The following GRIK4 variants were observed in gnomAD, a reference collection of about 807,000 sequenced individuals.
The protein encoded by GRIK4 is glutamate receptor ionotropic, kainate 4.
A neutral mutation model predicts 104.9 loss-of-function variants in GRIK4; 40 were observed. The observed-to-expected ratio is 0.38, with a 90% CI of 0.30 to 0.50. The LOEUF (loss-of-function observed/expected upper bound fraction) is 0.50. Ranked by LOEUF, GRIK4 falls within the 20% of genes least tolerant of loss-of-function variation. GRIK4 has a pLI of 0.93. For synonymous variants in GRIK4, 485 were observed against 524.9 expected (o/e 0.92, Z 1.04); for missense variants, 1,047 against 1,308.1 (o/e 0.80, Z 3.08).
chr11:120,948,762 A>G (rs966089582), intron 14 of GRIK4, among the ~76,000 whole-genome samples: 1 of 152,200 alleles, frequency 6.6e-6, no homozygotes, highest in African/African-American at 2.4e-5. Flanking sequence ...TTTGTAACAC[A>G]CCATCTCCCC....
Position 120,609,124 on chromosome 11 carries a change from G to A in GRIK4, c.-158-44561G>A, listed in dbSNP as rs1473225076. 3.3e-5 allele frequency among the ~76,000 whole-genome samples: 5 copies of A among 152,112 alleles called. No individual in the cohort carries two copies. The South Asian group carries it at 1.0e-3, about 31-fold the overall frequency. On this transcript the variant is annotated intron_variant, in intron 1 of 20. Transcript: ENST00000527524. ...GCCTGGGGTGGAGGCCCAACCCTGC[G>A]TGCTCCCAGCGCCTCCCCTCCTGCT...
intron 3 of GRIK4, among the ~76,000 whole-genome samples, chr11:120,726,255 G>T (rs1009217322): frequency 6.6e-6 from 1 of 152,302 alleles, no homozygotes; most frequent in East Asian, 1.9e-4. Context: ...CATAGTGGAG[G>T]TTGGAATGTT....
chr11:120,767,587 G>GT (rs1951862281), intron 3 of GRIK4, among the ~76,000 whole-genome samples: 1 of 152,042 alleles, frequency 6.6e-6, no homozygotes, highest in South Asian at 2.1e-4. Context: ...TTTGTAGCCT[G>GT]AGCTTTTGGT....
At chr11:120,817,321 C>T (rs1186396336) in intron 5 of GRIK4, among the ~76,000 whole-genome samples, 1 of 152,202 alleles carries the variant, frequency 6.6e-6, no homozygotes, top group African/African-American at 2.4e-5. Context: ...ACTCCTCTGC[C>T]CCTGTGCCAG....
intron 1 of GRIK4, among the ~76,000 whole-genome samples, chr11:120,627,817 C>T (rs564938631): frequency 6.6e-6 from 1 of 152,330 alleles, no homozygotes; most frequent in East Asian, 1.9e-4. Context: ...TGCATCCTCC[C>T]CTTTTCCAGC....
chr11:120,593,492 C>T (rs897473274), intron 1 of GRIK4, among the ~76,000 whole-genome samples: 1 of 152,272 alleles, frequency 6.6e-6, no homozygotes, highest in South Asian at 2.1e-4. Context: ...ACACTCCATT[C>T]CTCCTGCTTC....
chr11:120,713,486 A>C (rs969929013), intron 3 of GRIK4, among the ~76,000 whole-genome samples: 1 of 152,234 alleles, frequency 6.6e-6, no homozygotes, highest in Admixed American at 6.5e-5. Context: ...AGTCATTGTC[A>C]TGTTGTAATT....
At chr11:120,951,598 T>C (rs1313289720) in intron 14 of GRIK4, among the ~76,000 whole-genome samples, 1 of 152,210 alleles carries the variant, frequency 6.6e-6, no homozygotes, top group Non-Finnish European at 1.5e-5. Flanking sequence ...ACTTCCTGGA[T>C]TTCTGGCATC....
intron 1 of GRIK4, among the ~76,000 whole-genome samples, chr11:120,584,514 CAG>C (rs1217065268): frequency 6.6e-6 from 1 of 152,054 alleles, no homozygotes; most frequent in Non-Finnish European, 1.5e-5. Flanking sequence ...GAGACAGAGA[CAG>C]AGAGAGAGGT....
intron 11 of GRIK4, among the ~76,000 whole-genome samples, chr11:120,880,890 C>G (rs1954951902): frequency 6.6e-6 from 1 of 152,200 alleles, no homozygotes; most frequent in Non-Finnish European, 1.5e-5. Context: ...TGAGCACCTT[C>G]TCTGTGTCAG....
chr11:120,971,681 T>C (rs1944478088), intron 19 of GRIK4, among the ~76,000 whole-genome samples: 1 of 152,166 alleles, frequency 6.6e-6, no homozygotes, highest in Non-Finnish European at 1.5e-5. Flanking sequence ...AGAGTTTTAA[T>C]AGCGGTATAA....
intron 1 of GRIK4, among the ~76,000 whole-genome samples, chr11:120,648,156 T>C (rs1190639962): frequency 6.6e-6 from 1 of 152,206 alleles, no homozygotes; most frequent in Non-Finnish European, 1.5e-5. Context: ...CCTGTGACTA[T>C]AGACCAGAGG....
At chr11:120,670,009 A>T (rs554068574) in intron 3 of GRIK4, among the ~76,000 whole-genome samples, 292 of 151,982 alleles carry the variant, frequency 1.9e-3, no homozygotes, top group African/African-American at 6.7e-3. Context: ...CCTACTGTCT[A>T]CTCATTTCAT....
intron 3 of GRIK4, among the ~76,000 whole-genome samples, chr11:120,761,994 T>C (rs1168428133): frequency 6.6e-6 from 1 of 152,192 alleles, no homozygotes; most frequent in Non-Finnish European, 1.5e-5. Flanking sequence ...AGAAAGTCAA[T>C]GGTGGCTTGA....
At chr11:120,800,170 T>G (rs1343918116) in intron 3 of GRIK4, among the ~76,000 whole-genome samples, 4 of 152,134 alleles carry the variant, frequency 2.6e-5, no homozygotes, top group African/African-American at 9.7e-5. Flanking sequence ...ATATTTTTAA[T>G]AGCAAAACAT....
chr11:120,872,481 G>A (rs1430725342), intron 9 of GRIK4: 3 of 156,436 alleles, frequency 1.9e-5, no homozygotes, highest in African/African-American at 4.9e-5. Context: ...CTGGAATGGT[G>A]GTCTCACAAG....
chr11:120,933,206 G>C (rs1290206092), intron 13 of GRIK4, among the ~76,000 whole-genome samples: 1 of 152,232 alleles, frequency 6.6e-6, no homozygotes, highest in Non-Finnish European at 1.5e-5. Context: ...GGGAAAGGCC[G>C]CAGGGGCCAG....
chr11:120,673,411 T>C (rs1950051655), intron 3 of GRIK4, among the ~76,000 whole-genome samples: 2 of 152,150 alleles, frequency 1.3e-5, no homozygotes, highest in Non-Finnish European at 2.9e-5. Context: ...GACTGTGCAG[T>C]GATGCTGCTG....
intron 3 of GRIK4, among the ~76,000 whole-genome samples, chr11:120,765,408 C>T (rs185932339): frequency 6.6e-6 from 1 of 152,136 alleles, no homozygotes; most frequent in East Asian, 1.9e-4. Flanking sequence ...AGTACATGCT[C>T]CTTTAGCTCA....
Sources: gnomAD v4.1 joint callset for allele counts (sites outside exome capture counted in the v4.1 genomes callset) on GRCh38, gnomAD v4.1.1 for gene constraint, MANE v1.5 for transcripts, NCBI Gene and HGNC (gene_info 2026-07-23, HGNC 2026-07-21) for gene names.